IPMK: variants seen among roughly 807,000 people sequenced by gnomAD.
IPMK encodes the protein inositol polyphosphate multikinase, also known as inositol 1,3,4,6-tetrakisphosphate 5-kinase.
IPMK carries 17 observed loss-of-function variants against 45.8 expected under a neutral mutation model. The ratio of observed to expected loss-of-function variants is 0.37; its 90% CI spans 0.25 to 0.56. The LOEUF is 0.56. IPMK is among the 20% of genes least tolerant of loss of function. The probability of loss-of-function intolerance (pLI) is 0.79; values close to 1 mark genes in which losing one functional copy is unlikely to be tolerated. For synonymous variants in IPMK, 180 were observed against 184.3 expected, an observed-to-expected ratio of 0.98 and a Z score of 0.19; for missense variants, 399 against 498.0, an observed-to-expected ratio of 0.80 and a Z score of 1.89.
At chr10:58,226,729 A>C (rs906361792) in intron 3 of IPMK, among the ~76,000 whole-genome samples, 1 of 152,178 alleles carries the variant, frequency 6.6e-6, no homozygotes, top group Admixed American at 6.5e-5. Flanking sequence ...TTTTTAAAAA[A>C]TCACTCAAAA....
chr10:58,250,723 G>A (rs1838868919), intron 1 of IPMK, among the ~76,000 whole-genome samples: 1 of 152,140 alleles, frequency 6.6e-6, no homozygotes, highest in South Asian at 2.1e-4. Context: ...TCAAATAGGA[G>A]TAGTGAAAAT....
At chr10:58,241,010 C>T (rs1197639639) in intron 1 of IPMK, among the ~76,000 whole-genome samples, 2 of 152,084 alleles carry the variant, frequency 1.3e-5, no homozygotes, top group African/African-American at 4.8e-5. Context: ...CATGTTGTCC[C>T]CAAGAAACAA....
chr10:58,263,539 G>T (rs965725987), intron 1 of IPMK, among the ~76,000 whole-genome samples: 20 of 149,998 alleles, frequency 1.3e-4, no homozygotes, highest in African/African-American at 4.9e-4. Context: ...AAAAAAATTA[G>T]CCTGGCCTAG....
intron 4 of IPMK, among the ~76,000 whole-genome samples, chr10:58,215,839 C>T (rs1038979055): frequency 4.5e-4 from 68 of 152,120 alleles, no homozygotes; most frequent in African/African-American, 1.5e-3. Context: ...TATTTGCTTG[C>T]ACCTAAATTT....
chr10:58,216,444 AATT>A (rs1038374075), intron 3 of IPMK, 127 bp from the exon 4 acceptor site: 2 of 455,958 alleles, frequency 4.4e-6, no homozygotes, highest in African/African-American at 4.1e-5. Flanking sequence ...TAAAGTCAAT[AATT>A]ATTCTTAACT....
Position 58,216,329 on chromosome 10 carries a change from G to A in IPMK, c.374-12C>T, listed in dbSNP as rs937551653. On this transcript the variant is annotated splice_polypyrimidine_tract_variant and intron_variant, in intron 3 of 5. Transcript: ENST00000373935. ...TTTTAGGTATAAATCTGTTATTAAA[G>A]AAAAATATTAATTAGTAATAGGCAA... 4.4e-6 allele frequency: 6 copies of A among 1,374,754 alleles called. No individual in the cohort carries two copies. Among genetic ancestry groups the A allele is most frequent in the Middle Eastern group, 2.2e-4 (1 of 4,484 alleles). 85.2% of individuals were successfully genotyped at this position (1,374,754 alleles called of 1,614,324 possible).
intron 4 of IPMK, among the ~76,000 whole-genome samples, chr10:58,214,758 G>A (rs1350934255): frequency 1.3e-5 from 2 of 152,162 alleles, no homozygotes; most frequent in Admixed American, 6.5e-5. Context: ...AGATAAACAA[G>A]TATTTGGTAT....
chr10:58,227,182 TTGTAAC>T (rs1247209436), intron 2 of IPMK, 43 bp from the exon 3 acceptor site: 1 of 1,338,476 alleles, frequency 7.5e-7, no homozygotes, highest in Admixed American at 1.7e-5. Flanking sequence ...TTACAATGCT[TTGTAAC>T]TGCCCTGCAC....
At chr10:58,228,891 T>G (rs79381142) in intron 2 of IPMK, among the ~76,000 whole-genome samples, 107 of 152,320 alleles carry the variant, frequency 7.0e-4, no homozygotes, top group African/African-American at 2.4e-3. Flanking sequence ...AAGGGAATTC[T>G]TCTTAGTTTT....
intron 4 of IPMK, among the ~76,000 whole-genome samples, chr10:58,211,989 G>GT (rs1191690767): frequency 6.6e-6 from 1 of 150,982 alleles, no homozygotes; most frequent in Non-Finnish European, 1.5e-5. Flanking sequence ...GTTTTGTGGG[G>GT]TTTTTTTCCC....
chr10:58,236,616 C>T (rs560216836), intron 2 of IPMK, among the ~76,000 whole-genome samples: 6 of 152,154 alleles, frequency 3.9e-5, no homozygotes, highest in Non-Finnish European at 8.8e-5. Flanking sequence ...TTTCTGAAAA[C>T]TAGAAGGGCC....
chr10:58,252,219 T>A (rs1170987550), intron 1 of IPMK, among the ~76,000 whole-genome samples: 1 of 152,226 alleles, frequency 6.6e-6, no homozygotes, highest in African/African-American at 2.4e-5. Context: ...TTTAAACTGA[T>A]AACAACTCAA....
chr10:58,247,853 T>C (rs1183088395), intron 1 of IPMK, among the ~76,000 whole-genome samples: 2 of 152,194 alleles, frequency 1.3e-5, no homozygotes, highest in Non-Finnish European at 2.9e-5. Flanking sequence ...GCTTTTGATA[T>C]ACATAGAATA....
At chr10:58,219,536 A>G (rs1451310360) in intron 3 of IPMK, among the ~76,000 whole-genome samples, 1 of 152,230 alleles carries the variant, frequency 6.6e-6, no homozygotes, top group African/African-American at 2.4e-5. Context: ...TACTTAAATG[A>G]CCAAAGACAT....
chr10:58,216,368 C>T, intron 3 of IPMK, 51 bp from the exon 4 acceptor site: 1 of 797,172 alleles, frequency 1.3e-6, no homozygotes, highest in Non-Finnish European at 1.8e-6. Flanking sequence ...TATTACTACT[C>T]AAGTACTTGC....
chr10:58,233,619 A>G (rs1838561341), intron 2 of IPMK, among the ~76,000 whole-genome samples: 1 of 152,222 alleles, frequency 6.6e-6, no homozygotes, highest in Non-Finnish European at 1.5e-5. Context: ...AAAATTCAAC[A>G]GCCCTTCATT....
chr10:58,200,879 A>AT (rs1401977393), intron 4 of IPMK, among the ~76,000 whole-genome samples: 4 of 152,230 alleles, frequency 2.6e-5, no homozygotes, highest in African/African-American at 9.6e-5. Context: ...CACATGTGAT[A>AT]TTTTTTTACA....
chr10:58,234,018 T>C (rs577833967), intron 2 of IPMK, among the ~76,000 whole-genome samples: 2 of 151,960 alleles, frequency 1.3e-5, no homozygotes, highest in Non-Finnish European at 2.9e-5. Flanking sequence ...CTATACACCA[T>C]TAACAGACAA....
Position 58,192,072 on chromosome 10 carries a change from C to G in IPMK, c.*4004G>C, listed in dbSNP as rs1255583703. The G allele has an allele frequency of 1.3e-5, 2 of 151,956 alleles. No individual in the cohort carries two copies. Among genetic ancestry groups the G allele is most frequent in the African/African-American group, 4.8e-5 (2 of 41,422 alleles). 9.4% of individuals were successfully genotyped at this position (151,956 alleles called of 1,614,324 possible). A position where few individuals can be genotyped will look rare whatever the true frequency, so the allele number is the denominator to read the frequency against. On this transcript the variant is annotated 3_prime_UTR_variant, in exon 6 of 6. Transcript: ENST00000373935. The stretch of plus-strand genomic sequence containing the variant: ...TTTACTTGCATAAATAATATTTTCA[C>G]TTAGTACAGGCTATTAATATAAGTA...
Sources: allele counts gnomAD v4.1 joint callset (sites outside exome capture counted in the v4.1 genomes callset), GRCh38; gene constraint gnomAD v4.1.1; transcripts MANE v1.5; gene names NCBI Gene and HGNC (gene_info 2026-07-23, HGNC 2026-07-21).